RGS6: variants seen among roughly 807,000 people sequenced by gnomAD.
RGS6 encodes regulator of G-protein signaling 6.
RGS6 carries 30 observed loss-of-function variants against 78.5 expected under a neutral mutation model. The observed-to-expected ratio is 0.38, with a 90% CI of 0.29 to 0.52. The LOEUF is 0.52. RGS6 is among the 20% of genes least tolerant of loss of function. The probability of loss-of-function intolerance (pLI) is 0.85; values close to 1 mark genes in which losing one functional copy is unlikely to be tolerated. For missense variants in RGS6, 495 were observed against 609.7 expected, an observed-to-expected ratio of 0.81 and a Z score of 1.98; for synonymous variants, 206 against 206.0, an observed-to-expected ratio of 1.00 and a Z score of 0.00.
chr14:72,059,855 A>G (rs1388699643), intron 2 of RGS6, among the ~76,000 whole-genome samples: 3 of 152,168 alleles, frequency 2.0e-5, no homozygotes, highest in Admixed American at 6.5e-5. Context: ...GAAGCCAGAC[A>G]CTGCCTGATC....
intron 2 of RGS6, among the ~76,000 whole-genome samples, chr14:72,211,107 G>A (rs61997460): frequency 1.2e-4 from 18 of 152,138 alleles, no homozygotes; most frequent in Non-Finnish European, 2.2e-4. Flanking sequence ...TGTGAACAGA[G>A]CAGGTCACTG....
chr14:72,311,762 A>G (rs1239408744), intron 2 of RGS6, among the ~76,000 whole-genome samples: 1 of 152,212 alleles, frequency 6.6e-6, no homozygotes, highest in African/African-American at 2.4e-5. Context: ...TATTGCCATC[A>G]TTGATATACA....
Position 72,302,926 on chromosome 14 carries a change from G to A in RGS6, c.85-49169G>A, listed in dbSNP as rs1010755067. ...ATAGTGAATAAGTCTCACAAGATCC[G>A]ATGGTTTTAGAAAGGGCTGTTCCCC... is the stretch of plus-strand genomic sequence containing the variant. On this transcript the variant is annotated intron_variant, in intron 2 of 17. Transcript: ENST00000553525. Among the ~76,000 whole-genome samples the A allele has an allele frequency of 5.9e-5, 9 of 152,206 alleles. No individual in the cohort carries two copies. In the East Asian group the frequency reaches 1.5e-3, roughly 26 times the overall value.
At chr14:72,626,577 A>G in the RGS6 span, among the ~76,000 whole-genome samples, 1 of 152,056 alleles carries the variant, frequency 6.6e-6, no homozygotes, top group Non-Finnish European at 1.5e-5. Flanking sequence ...TTCAACAACT[A>G]CTCTTCCATA....
intron 2 of RGS6, among the ~76,000 whole-genome samples, chr14:72,113,461 C>G (rs1174724271): frequency 6.6e-6 from 1 of 152,190 alleles, no homozygotes; most frequent in Non-Finnish European, 1.5e-5. Flanking sequence ...CCAGGGGACT[C>G]AAAGACCTAC....
At chr14:72,271,798 A>G (rs1432555495) in intron 2 of RGS6, among the ~76,000 whole-genome samples, 1 of 152,150 alleles carries the variant, frequency 6.6e-6, no homozygotes, top group Non-Finnish European at 1.5e-5. Flanking sequence ...TGGAGGCTCT[A>G]GGGGAGAATC....
the RGS6 span, among the ~76,000 whole-genome samples, chr14:72,571,748 A>C: frequency 5.9e-5 from 9 of 152,208 alleles, no homozygotes; most frequent in African/African-American, 2.2e-4. Flanking sequence ...ACGATCTTGG[A>C]TTGGGCAATG....
At chr14:72,609,112 C>T in the RGS6 span, among the ~76,000 whole-genome samples, 1 of 152,202 alleles carries the variant, frequency 6.6e-6, no homozygotes, top group Non-Finnish European at 1.5e-5. Flanking sequence ...GTCAACATTG[C>T]TAACCAATCA....
rs764088964 is a variant in RGS6, at chr14:72,550,550, T to G, written c.1422+10456T>G. 3.0e-4 allele frequency: 462 copies of G among 1,535,580 alleles called. 1 individual carries two copies. The highest frequency in any genetic ancestry group is 3.7e-4 in the Non-Finnish European group (430 of 1,146,888). On this transcript the variant is annotated intron_variant, in intron 17 of 17. Transcript: ENST00000553525. ...GAGATGGAGCATCCAAGACAACACT[T>G]AACCCAACCTTGTAATCTTCTGCAG...
intron 3 of RGS6, among the ~76,000 whole-genome samples, chr14:72,386,260 G>A (rs542778035): frequency 4.4e-4 from 67 of 152,212 alleles, no homozygotes; most frequent in South Asian, 1.5e-3. Context: ...TTGGGGGGCC[G>A]GGTGTGGTGG....
intron 2 of RGS6, among the ~76,000 whole-genome samples, chr14:72,127,924 T>C (rs1343619633): frequency 1.5e-5 from 2 of 133,308 alleles, no homozygotes; most frequent in Non-Finnish European, 3.4e-5. Flanking sequence ...TCATATAATA[T>C]GTAACCTTTG....
intron 2 of RGS6, among the ~76,000 whole-genome samples, chr14:72,141,705 C>A (rs2096541680): frequency 6.6e-6 from 1 of 152,080 alleles, no homozygotes; most frequent in Non-Finnish European, 1.5e-5. Context: ...TTTAATAGCC[C>A]ATCACTTCTT....
chr14:72,278,479 T>G (rs1785708563), intron 2 of RGS6, among the ~76,000 whole-genome samples: 1 of 152,192 alleles, frequency 6.6e-6, no homozygotes, highest in South Asian at 2.1e-4. Flanking sequence ...ATGTATTGCT[T>G]AGGAGACACA....
chr14:72,175,261 C>T (rs749653014), intron 2 of RGS6, among the ~76,000 whole-genome samples: 1 of 152,196 alleles, frequency 6.6e-6, no homozygotes, highest in Non-Finnish European at 1.5e-5. Context: ...CTCTTATGTT[C>T]TGGTTAAGTA....
In RGS6 at chr14:72,555,790, A is replaced by C. The variant is rs540051028; in HGVS notation, c.1423-6627A>C. Among the ~76,000 whole-genome samples, 32 of 152,386 alleles carry C rather than the reference A, an allele frequency of 2.1e-4. No homozygotes were observed. The South Asian group carries it at 6.6e-3, about 32-fold the overall frequency. ...GGCAAGCATGTTGTGGACATAAGTA[A>C]GTGCGGGTGCTTGTAAAATGCCTCG... is the stretch of plus-strand genomic sequence containing the variant. On this transcript the variant is annotated intron_variant, in intron 17 of 17. Transcript: ENST00000553525.
intron 2 of RGS6, among the ~76,000 whole-genome samples, chr14:71,976,251 T>C (rs2094121121): frequency 6.6e-6 from 1 of 151,300 alleles, no homozygotes; most frequent in Non-Finnish European, 1.5e-5. Context: ...GTTTATTTAT[T>C]TTATTTTTTA....
downstream of RGS6, among the ~76,000 whole-genome samples, chr14:72,570,941 G>T (rs2097719509): frequency 6.6e-6 from 1 of 152,164 alleles, no homozygotes; most frequent in Non-Finnish European, 1.5e-5. Flanking sequence ...CTTTAGACAT[G>T]ACCTTGATAA....
rs181452110 is a variant in RGS6, at chr14:72,031,644, C to T, written c.84+66769C>T. 7.2e-3 allele frequency among the ~76,000 whole-genome samples: 1,102 copies of T among 152,316 alleles called. 13 individuals are homozygous for T. Among genetic ancestry groups the T allele is most frequent in the African/African-American group, 0.025 (1,041 of 41,566 alleles). On this transcript the variant is annotated intron_variant, in intron 2 of 17. Coordinates refer to ENST00000553525, the MANE Select transcript of RGS6 (RefSeq NM_001204424.2). ...CAGGCACTCACAGTCACCAAAGCAG[C>T]ATAGGAAAATATGGTAATCCTTGCA...
At chr14:71,890,360 G>GAGAGAA in the RGS6 span, among the ~76,000 whole-genome samples, 2 of 147,922 alleles carry the variant, frequency 1.4e-5, no homozygotes, top group Non-Finnish European at 3.0e-5. Flanking sequence ...GCATAAGACA[G>GAGAGAA]AGAGAGAGAG....
Sources: gnomAD v4.1 joint callset for allele counts (sites outside exome capture counted in the v4.1 genomes callset) on GRCh38, gnomAD v4.1.1 for gene constraint, MANE v1.5 for transcripts, NCBI Gene and HGNC (gene_info 2026-07-23, HGNC 2026-07-21) for gene names.